Variants in COL18A1 observed in about 807,000 individuals in gnomAD.
COL18A1 encodes the protein collagen type XVIII alpha 1 chain.
In COL18A1, 133 loss-of-function variants were observed where a neutral mutation model predicts 168.0. The observed-to-expected ratio is 0.79, with a 90% confidence interval of 0.69 to 0.91. The LOEUF (loss-of-function observed/expected upper bound fraction) is 0.91, where lower values mean the gene tolerates loss of function less well. COL18A1 is among the 40% of genes least tolerant of loss of function. The pLI is 0.00. For missense variants in COL18A1, 2,126 were observed against 1,925.4 expected (o/e 1.10, Z -1.95); for synonymous variants, 949 against 809.0 (o/e 1.17, Z -2.94).
At chr21:45,416,105 C>T (rs529972948) in intron 2 of COL18A1, among the ~76,000 whole-genome samples, 10 of 152,356 alleles carry the variant, frequency 6.6e-5, no homozygotes, top group East Asian at 5.8e-4. Context: ...GTGGCCACAC[C>T]GGCCCTTCCT....
chr21:45,512,987 G>C lies in COL18A1; in HGVS notation c.*589G>C, dbSNP rs1350660863. On this transcript the variant is annotated 3_prime_UTR_variant, in exon 42 of 42. Transcript: ENST00000651438. ...TGGGCCATTCTCCACAGCAACCCCA[G>C]GCTGAAGCAGGTTCCCAAGCTCAGA... is the stretch of plus-strand genomic sequence containing the variant. 1 of 162,418 alleles carries C rather than the reference G, an allele frequency of 6.2e-6. No homozygotes were observed. The highest frequency in any genetic ancestry group is 5.7e-5 in the Admixed American group (1 of 17,572). 10.1% of individuals were successfully genotyped at this position (162,418 alleles called of 1,614,324 possible).
chr21:45,487,355 T>C lies in COL18A1; in HGVS notation c.1834-92T>C, dbSNP rs538453442. Reference sequence around the variant, plus strand: ...CAGGCCACCGTGGCCCCAAAGCATGTCCCACCCTCCTCTCGGGCAGTGCCA... The same window carrying C: ...CAGGCCACCGTGGCCCCAAAGCATGCCCCACCCTCCTCTCGGGCAGTGCCA... On this transcript the variant is annotated intron_variant, in intron 16 of 41. Transcript: ENST00000651438. The C allele has an allele frequency of 5.2e-4, 760 of 1,459,352 alleles. 1 individual carries two copies. The highest frequency in any genetic ancestry group is 6.4e-4 in the Non-Finnish European group (674 of 1,056,148). The allele number at this position is 1,459,352 out of a possible 1,614,324, so 90.4% of individuals were successfully genotyped here. A position where few individuals can be genotyped will look rare whatever the true frequency, so the allele number is the denominator to read the frequency against.
At chr21:45,500,945 G>A (rs1421717610) in intron 32 of COL18A1, among the ~76,000 whole-genome samples, 5 of 36,618 alleles carry the variant, frequency 1.4e-4, no homozygotes, top group African/African-American at 4.4e-4. Flanking sequence ...GTAGTGTGGG[G>A]GTGTGGTTTG....
In COL18A1 at chr21:45,504,042, G is replaced by A. The variant is rs1327492137; in HGVS notation, c.2715G>A (p.Glu905=). ...TTCCGTTTGACTTTCTTCAGTTGGA[G>A]GCTGAAATGAAGGTGGGTGACCTCC... ...GQFPFDFLQL[E]AEMKGEKGDR... is the part of the protein sequence containing the mutation. The change falls in exon 33 of 42, where the codon GAG becomes GAA. Residue 905 remains glutamate (E), a synonymous_variant. Coordinates refer to ENST00000651438, the MANE Select transcript of COL18A1 (RefSeq NM_001379500.1). 1.9e-6 allele frequency: 3 copies of A among 1,613,718 alleles called. No individual in the cohort carries two copies. The highest frequency in any genetic ancestry group is 2.5e-6 in the Non-Finnish European group (3 of 1,180,002).
chr21:45,433,573 G>A (rs2034023501), intron 2 of COL18A1, among the ~76,000 whole-genome samples: 1 of 152,240 alleles, frequency 6.6e-6, no homozygotes, highest in African/African-American at 2.4e-5. Flanking sequence ...GGCTGTCGTG[G>A]CCCCTGTGAG....
intron 34 of COL18A1, among the ~76,000 whole-genome samples, 189 bp downstream of exon 34, chr21:45,504,745 G>A (rs1006168631): frequency 5.9e-5 from 9 of 151,986 alleles, no homozygotes; most frequent in East Asian, 1.9e-4. Flanking sequence ...CACTGACCCC[G>A]GACACCCCCC....
chr21:45,495,834 C>T, intron 29 of COL18A1: 1 of 331,642 alleles, frequency 3.0e-6, no homozygotes, highest in South Asian at 2.5e-5. Flanking sequence ...CACACCCATA[C>T]AGGTATATAC....
rs74324529 is a variant in COL18A1 at position 45,488,922 on chromosome 21, C to T, written c.1923+478C>T. ...CGAAGACCCCACCCCACCCAGGCCC[C>T]GAAGCTCCCAGGGCAGGTGCCTGAG... On this transcript the variant is annotated intron_variant, in intron 18 of 41. Coordinates refer to ENST00000651438, the MANE Select transcript of COL18A1 (RefSeq NM_001379500.1). Among the ~76,000 whole-genome samples, 5 of 151,940 alleles carry T rather than the reference C, an allele frequency of 3.3e-5. No individual in the cohort carries two copies. The South Asian group carries it at 1.0e-3, about 31-fold the overall frequency.
At chr21:45,479,239 T>TG (rs2035796027) in intron 9 of COL18A1, among the ~76,000 whole-genome samples, 1 of 151,924 alleles carries the variant, frequency 6.6e-6, no homozygotes. Flanking sequence ...ACAGCACATA[T>TG]CACACACCAC....
At chr21:45,421,563 C>T (rs138010199) in intron 2 of COL18A1, 20 of 534,614 alleles carry the variant, frequency 3.7e-5, no homozygotes, top group Middle Eastern at 3.2e-4. Context: ...TGGAAAACCT[C>T]GGCCTTCCAT....
chr21:45,407,220 T>G (rs1007079086), intron 2 of COL18A1, among the ~76,000 whole-genome samples: 1 of 152,256 alleles, frequency 6.6e-6, no homozygotes, highest in African/African-American at 2.4e-5. Flanking sequence ...CTAATGTGTC[T>G]GAAATGCTGA....
At position 45,495,418 on chromosome 21, in the gene COL18A1, G is replaced by T; in HGVS notation, c.2494G>T (p.Gly832Ter). The change falls in exon 29 of 42, where the codon GGA becomes TGA. Residue 832 changes from glycine (G) to a stop codon, truncating the protein, a stop_gained. Transcript: ENST00000651438. LOFTEE classifies it high-confidence loss of function. ...AGGGGAGCCGGGAGATGCCAGCCTT[G>T]GATTTGGCATGAGGGTGAGTGTCTC... ...EKGEPGDASLGFGMRGMPGPP... is the reference protein window; with the variant it reads ...EKGEPGDASL 1 of 1,610,598 alleles carries T rather than the reference G, an allele frequency of 6.2e-7. No individual in the cohort carries two copies. Among genetic ancestry groups the T allele is most frequent in the South Asian group, 1.1e-5 (1 of 90,438 alleles).
At chr21:45,436,968 T>A (rs1399554945) in intron 2 of COL18A1, among the ~76,000 whole-genome samples, 1 of 151,782 alleles carries the variant, frequency 6.6e-6, no homozygotes, top group Non-Finnish European at 1.5e-5. Context: ...AGCAGCTGGC[T>A]GTGGCAGGAG....
chr21:45,478,675 A>G (rs1365557014), intron 9 of COL18A1, among the ~76,000 whole-genome samples: 3 of 147,782 alleles, frequency 2.0e-5, no homozygotes, highest in Non-Finnish European at 3.0e-5. Flanking sequence ...GGGTGGTGCA[A>G]GTCGGCGGGG....
At position 45,463,942 on chromosome 21, in the gene COL18A1, CATT is replaced by C. The variant is rs1444099401; in HGVS notation, c.107-4299_107-4297del. On this transcript the variant is annotated intron_variant, in intron 2 of 41. Transcript: ENST00000651438. This position sits in a 1 kb window ranked among gnomAD's most constrained non-coding sequence, Gnocchi z 4.0. ...AAGAAATCAAGTCTTGAGGCATCAT[CATT>C]GTTATATCATGTGCAGGTGTCTAGC... 6.6e-6 allele frequency among the ~76,000 whole-genome samples: 1 copy of C among 152,078 alleles called. No homozygotes were observed. The highest frequency in any genetic ancestry group is 1.5e-5 in the Non-Finnish European group (1 of 67,980).
At chr21:45,483,570 G>A (rs2236473) in intron 15 of COL18A1, among the ~76,000 whole-genome samples, 25,942 of 152,164 alleles carry the variant, frequency 0.17, 2,318 homozygotes, top group Admixed American at 0.2. Context: ...GCCTCCAGTC[G>A]GCATCTGTGC....
chr21:45,468,902 C>G, intron 3 of COL18A1, 116 bp downstream of exon 3: 3 of 1,141,046 alleles, frequency 2.6e-6, no homozygotes, highest in Non-Finnish European at 3.6e-6. Flanking sequence ...CCCACCCCAG[C>G]TGTGGTCAGC....
chr21:45,491,412 G>A, intron 22 of COL18A1, 98 bp downstream of exon 22: 1 of 624,308 alleles, frequency 1.6e-6, no homozygotes, highest in Non-Finnish European at 2.8e-6. Context: ...ACATCCCCCA[G>A]GTCAGGACAG....
At chr21:45,466,152 C>A (rs979566845) in intron 2 of COL18A1, among the ~76,000 whole-genome samples, 1 of 152,106 alleles carries the variant, frequency 6.6e-6, no homozygotes, top group Admixed American at 6.5e-5. Flanking sequence ...AAGGGATGGA[C>A]GTCCCCGGTC....
Sources: allele counts gnomAD v4.1 joint callset (sites outside exome capture counted in the v4.1 genomes callset), GRCh38; gene constraint gnomAD v4.1.1; non-coding constraint Gnocchi (gnomAD v3.1); transcripts MANE v1.5; gene names NCBI Gene and HGNC (gene_info 2026-07-23, HGNC 2026-07-21).